Variants in NTN4 observed in about 807,000 individuals in gnomAD.
NTN4 encodes netrin-4.
Under a neutral mutation model 73.6 loss-of-function variants are expected in NTN4, and 32 were observed. That is an observed-to-expected ratio of 0.44 (90% CI 0.33 to 0.58). NTN4 has a LOEUF of 0.58. Ranked by LOEUF, NTN4 falls within the 20% of genes least tolerant of loss-of-function variation. The probability of loss-of-function intolerance (pLI) is 0.04; values close to 1 mark genes in which losing one functional copy is unlikely to be tolerated. For synonymous variants in NTN4, 258 were observed against 287.5 expected (o/e 0.90, Z 1.04); for missense variants, 654 against 798.3 (o/e 0.82, Z 2.18).
chr12:95,746,217 A>G (rs1383379869), intron 2 of NTN4, among the ~76,000 whole-genome samples: 1 of 152,164 alleles, frequency 6.6e-6, no homozygotes, highest in East Asian at 1.9e-4. Context: ...TGTGGCGAGC[A>G]ATATCTGCAG....
At position 95,738,101 on chromosome 12, in the gene NTN4, G is replaced by C. The variant is rs758372419; in HGVS notation, c.629C>G (p.Pro210Arg). The part of the protein sequence containing the change: ...ALSPPYDTEN[P>R]YSAKVQEQLK... ...CTGCTCCTGAACTTTGGCACTGTAA[G>C]GGTTCTCTGTATCGTATGGTGGTGA... Residue 210 changes from proline (P) to arginine (R), a missense_variant, in exon 3 of 10, where the codon CCT becomes CGT. Transcript: ENST00000343702. 2.5e-6 allele frequency: 4 copies of C among 1,614,070 alleles called. No homozygotes were observed.
chr12:95,790,929 G>GGGGT (rs747669629), upstream of NTN4, among the ~76,000 whole-genome samples: 806 of 24,634 alleles, frequency 0.033, 126 homozygotes, highest in East Asian at 0.56. The surrounding 1 kb of genome is among the most constrained non-coding windows in gnomAD (Gnocchi z 6.5). Flanking sequence ...GCTGCCGCCC[G>GGGGT]GGGGGGGGGT....
At chr12:95,678,617 C>G (rs2078292704) in intron 7 of NTN4, among the ~76,000 whole-genome samples, 1 of 151,674 alleles carries the variant, frequency 6.6e-6, no homozygotes. Flanking sequence ...AAACATTGTA[C>G]TGCAGTAAAA....
rs2079133070 is a variant in NTN4, at chr12:95,781,515, A to G, written c.585+5424T>C. ...ATAGCTAATGGATGCTGGGCTTAAT[A>G]CCTGGGCAATAGGATGATCTGTGCA... On this transcript the variant is annotated intron_variant, in intron 2 of 9. Coordinates refer to ENST00000343702, the MANE Select transcript of NTN4 (RefSeq NM_021229.4). This position sits in a 1 kb window ranked among gnomAD's most constrained non-coding sequence, Gnocchi z 4.1. Among the ~76,000 whole-genome samples, 1 of 152,112 alleles carries G rather than the reference A, an allele frequency of 6.6e-6. No homozygotes were observed.
At chr12:95,778,639 T>C (rs2079111102) in intron 2 of NTN4, among the ~76,000 whole-genome samples, 1 of 152,112 alleles carries the variant, frequency 6.6e-6, no homozygotes, top group South Asian at 2.1e-4. Context: ...GATAGACCAA[T>C]AACAGGCTCT....
intron 5 of NTN4, among the ~76,000 whole-genome samples, chr12:95,698,250 G>T (rs991769788): frequency 6.6e-6 from 1 of 152,230 alleles, no homozygotes; most frequent in Non-Finnish European, 1.5e-5. Flanking sequence ...AGCACATAAA[G>T]CTATAACTTA....
rs199756675 is a variant in NTN4, at chr12:95,669,205, C to CAAA, written c.1579+872_1579+873insTTT. Among the ~76,000 whole-genome samples, 5 of 131,390 alleles carry CAAA rather than the reference C, an allele frequency of 3.8e-5. 1 individual carries two copies. The highest frequency in any genetic ancestry group is 6.4e-5 in the Non-Finnish European group (4 of 62,950). The allele number at this position is 131,390 out of a possible 152,430, so 86.2% of individuals were successfully genotyped here. On this transcript the variant is annotated intron_variant, in intron 8 of 9. Coordinates refer to ENST00000343702, the MANE Select transcript of NTN4 (RefSeq NM_021229.4). ...GCTGGGCAACAAAGCGAGACTCTGT[C>CAAA]TAAAAAAAAAAAAAAAAGTCTCAGA...
intron 5 of NTN4, among the ~76,000 whole-genome samples, chr12:95,694,104 A>C (rs531901140): frequency 1.3e-5 from 2 of 152,242 alleles, no homozygotes; most frequent in East Asian, 3.9e-4. Flanking sequence ...TGTTGAAACC[A>C]CCAATGGAAT....
At chr12:95,780,504 A>G (rs891595544) in intron 2 of NTN4, among the ~76,000 whole-genome samples, 1 of 152,360 alleles carries the variant, frequency 6.6e-6, no homozygotes, top group Admixed American at 6.5e-5. Flanking sequence ...ATGAACAGAC[A>G]CTTCTCAAAA....
intron 1 of NTN4, 105 bp from the exon 2 acceptor site, chr12:95,787,573 A>G: frequency 9.2e-7 from 1 of 1,082,402 alleles, no homozygotes; most frequent in Non-Finnish European, 1.3e-6. Context: ...AAAGCGCTTG[A>G]GACTTTCGAT....
At chr12:95,714,386 T>C (rs12823673) in intron 3 of NTN4, among the ~76,000 whole-genome samples, 43,581 of 151,766 alleles carry the variant, frequency 0.29, 7,363 homozygotes, top group South Asian at 0.47. Flanking sequence ...TCTAAGAGGT[T>C]TTATATTTTT....
chr12:95,703,850 T>C (rs1339950850), intron 5 of NTN4, among the ~76,000 whole-genome samples: 2 of 152,220 alleles, frequency 1.3e-5, no homozygotes, highest in East Asian at 1.9e-4. Context: ...TAGGCTGTTC[T>C]GGCTAACTCT....
At chr12:95,747,683 AT>A (rs1194064366) in intron 2 of NTN4, among the ~76,000 whole-genome samples, 4 of 152,156 alleles carry the variant, frequency 2.6e-5, no homozygotes, top group Non-Finnish European at 4.4e-5. Context: ...ACAATGCCTT[AT>A]GAATTCTCAA....
chr12:95,737,404 AG>A (rs35128146), intron 3 of NTN4, among the ~76,000 whole-genome samples: 33,940 of 152,038 alleles, frequency 0.22, 4,348 homozygotes, highest in Non-Finnish European at 0.3. Flanking sequence ...TTAGGTGAAG[AG>A]GGGGTCAGTC....
intron 6 of NTN4, among the ~76,000 whole-genome samples, chr12:95,683,228 T>C (rs1274459436): frequency 6.6e-6 from 1 of 152,060 alleles, no homozygotes; most frequent in African/African-American, 2.4e-5. Flanking sequence ...CCCAGCTAAT[T>C]TTTTTGTATT....
intron 5 of NTN4, among the ~76,000 whole-genome samples, chr12:95,690,337 C>G (rs2078392908): frequency 6.6e-6 from 1 of 152,184 alleles, no homozygotes; most frequent in Admixed American, 6.5e-5. Flanking sequence ...TTGAATAAAA[C>G]AGTCTTGGTC....
intron 3 of NTN4, among the ~76,000 whole-genome samples, chr12:95,735,944 TA>T (rs1565901354): frequency 2.3e-4 from 34 of 150,046 alleles, no homozygotes; most frequent in African/African-American, 5.9e-4. Context: ...TTTATTTATT[TA>T]TTTATTTTTT....
intron 2 of NTN4, among the ~76,000 whole-genome samples, chr12:95,752,513 G>A (rs1215212452): frequency 1.3e-5 from 2 of 151,516 alleles, no homozygotes; most frequent in Admixed American, 6.6e-5. Context: ...AAGTTACCTA[G>A]GCTCTACTGC....
At chr12:95,771,006 T>TTTTTTTTTTTTTTTTTTTTTTTTTG (rs2079054546) in intron 2 of NTN4, among the ~76,000 whole-genome samples, 1 of 148,360 alleles carries the variant, frequency 6.7e-6, no homozygotes, top group African/African-American at 2.6e-5. Context: ...TTTTTTTTTT[T>TTTTTTTTTTTTTTTTTTTTTTTTTG]TGAGACAGAG....
Sources: gnomAD v4.1 joint callset for allele counts (sites outside exome capture counted in the v4.1 genomes callset) on GRCh38, gnomAD v4.1.1 for gene constraint, Gnocchi (gnomAD v3.1) non-coding constraint, MANE v1.5 for transcripts, NCBI Gene and HGNC (gene_info 2026-07-23, HGNC 2026-07-21) for gene names.